Variants in NBEA observed in about 807,000 individuals in gnomAD.
The protein encoded by NBEA is lysosomal-trafficking regulator 2.
A neutral mutation model predicts 343.4 loss-of-function variants in NBEA; 44 were observed. That is an observed-to-expected ratio of 0.13 (90% CI 0.10 to 0.16). The LOEUF (loss-of-function observed/expected upper bound fraction) is 0.16. Among genes scored for constraint, NBEA ranks in the 10% least tolerant of loss-of-function variants. The probability of loss-of-function intolerance (pLI) is 1.00; values close to 1 mark genes in which losing one functional copy is unlikely to be tolerated. For missense variants in NBEA, 2,555 were observed against 3,631.3 expected, an observed-to-expected ratio of 0.70 and a Z score of 7.62; for synonymous variants, 1,175 against 1,238.7, an observed-to-expected ratio of 0.95 and a Z score of 1.08.
intron 47 of NBEA, among the ~76,000 whole-genome samples, chr13:35,602,946 A>G (rs1345063758): frequency 1.3e-5 from 2 of 152,178 alleles, no homozygotes; most frequent in Non-Finnish European, 1.5e-5. Flanking sequence ...GTCTTCTGCC[A>G]CTTTTGCAGT....
intron 6 of NBEA, among the ~76,000 whole-genome samples, chr13:35,055,101 G>A (rs1268629170): frequency 5.9e-5 from 9 of 152,058 alleles, no homozygotes; most frequent in Admixed American, 5.9e-4. Flanking sequence ...TAAATAATCT[G>A]TAGAACAAAG....
At chr13:35,669,074 C>T (rs2085487116) in intron 58 of NBEA, among the ~76,000 whole-genome samples, 2 of 152,162 alleles carry the variant, frequency 1.3e-5, no homozygotes, top group African/African-American at 2.4e-5. Flanking sequence ...TTCCTTAAAA[C>T]ACGTTAATCC....
At chr13:35,064,469 A>C (rs1289500173) in intron 8 of NBEA, among the ~76,000 whole-genome samples, 1 of 152,124 alleles carries the variant, frequency 6.6e-6, no homozygotes, top group Non-Finnish European at 1.5e-5. Context: ...GTCTCAGAAT[A>C]ACAATATCAA....
At chr13:35,167,851 C>T (rs2070158629) in intron 24 of NBEA, among the ~76,000 whole-genome samples, 1 of 151,796 alleles carries the variant, frequency 6.6e-6, no homozygotes, top group South Asian at 2.1e-4. Context: ...CCACAAATTG[C>T]ACACTTTGTG....
At chr13:35,421,002 T>G (rs1031719545) in intron 38 of NBEA, among the ~76,000 whole-genome samples, 1 of 152,016 alleles carries the variant, frequency 6.6e-6, no homozygotes, top group African/African-American at 2.4e-5. Context: ...TCACTGATTT[T>G]TATTGATTTC....
chr13:35,065,683 C>T (rs1408273193), intron 8 of NBEA, among the ~76,000 whole-genome samples: 1 of 152,014 alleles, frequency 6.6e-6, no homozygotes, highest in East Asian at 1.9e-4. Context: ...ATTTCTCTCT[C>T]ATTTTAAAAT....
At chr13:35,267,623 C>T (rs887277174) in intron 34 of NBEA, among the ~76,000 whole-genome samples, 36 of 151,308 alleles carry the variant, frequency 2.4e-4, no homozygotes, top group African/African-American at 8.7e-4. Context: ...GGATTTATAT[C>T]CAGAATATAT....
chr13:35,467,278 C>T (rs187940539), intron 40 of NBEA, among the ~76,000 whole-genome samples: 21 of 152,170 alleles, frequency 1.4e-4, no homozygotes, highest in Admixed American at 1.3e-4. Context: ...TCAAGACCAG[C>T]CTGGCCAACA....
chr13:35,488,684 C>T (rs1171937077), intron 41 of NBEA, among the ~76,000 whole-genome samples: 1 of 151,820 alleles, frequency 6.6e-6, no homozygotes, highest in Non-Finnish European at 1.5e-5. Flanking sequence ...GAGGTAAATA[C>T]TTTTAAAAAG....
intron 10 of NBEA, among the ~76,000 whole-genome samples, chr13:35,077,626 C>T (rs2064177941): frequency 6.6e-6 from 1 of 152,150 alleles, no homozygotes; most frequent in South Asian, 2.1e-4. Flanking sequence ...TTATTAATTA[C>T]TTCAGCTAGT....
At chr13:35,250,461 G>T (rs1013667038) in intron 34 of NBEA, among the ~76,000 whole-genome samples, 1 of 151,956 alleles carries the variant, frequency 6.6e-6, no homozygotes, top group African/African-American at 2.4e-5. Context: ...TCTCATAAAT[G>T]GTTAATAAAG....
intron 46 of NBEA, among the ~76,000 whole-genome samples, chr13:35,587,618 T>C: frequency 6.6e-6 from 1 of 152,144 alleles, no homozygotes. Flanking sequence ...CATAAAGTGG[T>C]ATTCACTGTT....
chr13:35,330,856 T>C (rs1328489431), intron 36 of NBEA, among the ~76,000 whole-genome samples: 1 of 152,060 alleles, frequency 6.6e-6, no homozygotes, highest in Non-Finnish European at 1.5e-5. Flanking sequence ...TCTACACAAA[T>C]AGAAAGTCTC....
intron 33 of NBEA, among the ~76,000 whole-genome samples, chr13:35,228,207 T>A (rs573118567): frequency 2.0e-5 from 3 of 152,240 alleles, no homozygotes; most frequent in African/African-American, 7.2e-5. Context: ...TGTAAGCTTT[T>A]GTGTTTTAAG....
At chr13:35,001,848 A>G (rs926580945) in intron 1 of NBEA, among the ~76,000 whole-genome samples, 7 of 152,180 alleles carry the variant, frequency 4.6e-5, no homozygotes, top group Non-Finnish European at 8.8e-5. Flanking sequence ...AAAAATGTTG[A>G]AAGTGATAGA....
At chr13:35,221,352 A>C (rs1020920921) in intron 33 of NBEA, among the ~76,000 whole-genome samples, 10 of 151,732 alleles carry the variant, frequency 6.6e-5, no homozygotes, top group Non-Finnish European at 1.5e-4. Flanking sequence ...CAAAAAAAAA[A>C]ACAAAAAACT....
At chr13:35,155,474 A>G (rs1593537228) in intron 18 of NBEA, among the ~76,000 whole-genome samples, 1 of 152,152 alleles carries the variant, frequency 6.6e-6, no homozygotes, top group Admixed American at 6.5e-5. Context: ...AAATACAAAA[A>G]ATTAGCCAGG....
intron 1 of NBEA, among the ~76,000 whole-genome samples, chr13:34,994,567 G>C (rs896504720): frequency 3.9e-5 from 6 of 152,038 alleles, no homozygotes; most frequent in African/African-American, 1.4e-4. Context: ...TTATTTTTCA[G>C]ATACAATTTA....
chr13:35,328,287 C>T (rs1371924938), intron 36 of NBEA, among the ~76,000 whole-genome samples: 1 of 151,702 alleles, frequency 6.6e-6, no homozygotes, highest in Non-Finnish European at 1.5e-5. Context: ...AAATAGGAAG[C>T]ACTTAGGGGT....
Sources: allele counts gnomAD v4.1 joint callset (sites outside exome capture counted in the v4.1 genomes callset), GRCh38; gene constraint gnomAD v4.1.1; transcripts MANE v1.5; gene names NCBI Gene and HGNC (gene_info 2026-07-23, HGNC 2026-07-21).